The following CEP120 variants were observed in gnomAD, a reference collection of about 807,000 sequenced individuals.
CEP120 encodes centrosomal protein of 120 kDa.
A neutral mutation model predicts 126.5 loss-of-function variants in CEP120; 113 were observed. The ratio of observed to expected loss-of-function variants is 0.89; its 90% confidence interval spans 0.77 to 1.04. The LOEUF is 1.04. Among genes scored for constraint, CEP120 ranks in the 50% least tolerant of loss-of-function variants. The pLI is 0.00. For synonymous variants in CEP120, 400 were observed against 394.3 expected (o/e 1.01, Z -0.17); for missense variants, 1,230 against 1,155.7 (o/e 1.06, Z -0.93).
chr5:123,384,956 T>G lies in CEP120; in HGVS notation c.1758A>C (p.Ala586=), dbSNP rs1258898773. The G allele has an allele frequency of 6.2e-7, 1 of 1,604,382 alleles. No individual in the cohort carries two copies. The highest frequency in any genetic ancestry group is 1.3e-5 in the African/African-American group (1 of 74,146). Residue 586 remains alanine (A), a synonymous_variant, in exon 11 of 20, where the codon GCA becomes GCC. Coordinates refer to ENST00000306467, the MANE Select transcript of CEP120 (RefSeq NM_001375405.1). ...TYSESVPVIA[A]QGSNNRIADL... ...AATTCTGTGAAATGCATTACCCTTG[T>G]GCTGCTATAACAGGCACACTTTCAC...
intron 3 of CEP120, 26 bp downstream of exon 3, chr5:123,415,984 T>C (rs1244472820): frequency 6.3e-6 from 9 of 1,427,714 alleles, no homozygotes; most frequent in Non-Finnish European, 8.9e-6. Flanking sequence ...AACATAATCA[T>C]TAGCAAAACA....
rs7720259 is a variant in CEP120, at chr5:123,404,300, G to A, written c.464-5016C>T. On this transcript the variant is annotated intron_variant, in intron 4 of 19. Transcript: ENST00000306467. ...CAAGCTCACATCCTGACTTCACTAC[G>A]TACAATGTATGCCATTTTGGCAAAC... is the stretch of plus-strand genomic sequence containing the variant. 2.6e-5 allele frequency among the ~76,000 whole-genome samples: 4 copies of A among 152,004 alleles called. No homozygotes were observed. In the East Asian group the frequency reaches 7.7e-4, roughly 29 times the overall value.
intron 5 of CEP120, among the ~76,000 whole-genome samples, chr5:123,394,627 G>A (rs1772646284): frequency 6.6e-6 from 1 of 152,170 alleles, no homozygotes; most frequent in African/African-American, 2.4e-5. Context: ...AAAATTACAG[G>A]ACAGTTTGTA....
At chr5:123,355,891 T>TA (rs1488924014) in intron 18 of CEP120, among the ~76,000 whole-genome samples, 1 of 148,478 alleles carries the variant, frequency 6.7e-6, no homozygotes, top group East Asian at 2.0e-4. Flanking sequence ...GGTTTTCTTC[T>TA]GGGGTTTTTA....
intron 4 of CEP120, 54 bp from the exon 5 acceptor site, chr5:123,399,338 T>A: frequency 6.5e-7 from 1 of 1,527,066 alleles, no homozygotes; most frequent in Non-Finnish European, 9.0e-7. Context: ...TAAACCATTA[T>A]AAGATTTTTA....
rs1156710289 is a variant in CEP120, at chr5:123,418,382, G to A, written c.183C>T (p.Asp61=). Residue 61 remains aspartate, a synonymous_variant, in exon 2 of 20, where the codon GAC becomes GAT. Coordinates refer to ENST00000306467, the MANE Select transcript of CEP120 (RefSeq NM_001375405.1). ...ACCTGTGCTGATGAAGCGCTTTCCT[G>A]TCAATTTCCCAAGCTAACTCAGTAG... ...EFATELAWEI[D]RKALHQHRLQ... is the part of the protein sequence containing the mutation. 2 of 1,604,536 alleles carry A rather than the reference G, an allele frequency of 1.2e-6. No individual in the cohort carries two copies. Among genetic ancestry groups the A allele is most frequent in the Non-Finnish European group, 1.7e-6 (2 of 1,174,210 alleles).
chr5:123,363,709 C>A, intron 18 of CEP120, among the ~76,000 whole-genome samples: 1 of 151,288 alleles, frequency 6.6e-6, no homozygotes, highest in Non-Finnish European at 1.5e-5. Context: ...TAGTATAATA[C>A]CATAACGATG....
At chr5:123,360,049 C>T (rs982488912) in intron 18 of CEP120, among the ~76,000 whole-genome samples, 1 of 151,872 alleles carries the variant, frequency 6.6e-6, no homozygotes, top group Admixed American at 6.6e-5. Context: ...AAATTACTGG[C>T]AGAGATTACA....
chr5:123,359,363 AT>A (rs1769897203), intron 18 of CEP120, among the ~76,000 whole-genome samples: 1 of 152,054 alleles, frequency 6.6e-6, no homozygotes. Context: ...ACAATGCTTC[AT>A]TTATTTTTTA....
intron 18 of CEP120, among the ~76,000 whole-genome samples, chr5:123,351,611 G>C (rs746042231): frequency 7.2e-5 from 11 of 152,106 alleles, no homozygotes; most frequent in Non-Finnish European, 1.6e-4. Context: ...AATGCTTGGG[G>C]CCATAAGTGT....
chr5:123,382,436 G>A (rs1771713603), intron 13 of CEP120, among the ~76,000 whole-genome samples: 1 of 151,924 alleles, frequency 6.6e-6, no homozygotes, highest in African/African-American at 2.4e-5. Context: ...CTCTTGTTTG[G>A]AGACTAATGA....
chr5:123,378,889 T>C (rs1013278977), intron 14 of CEP120, among the ~76,000 whole-genome samples: 11 of 150,402 alleles, frequency 7.3e-5, no homozygotes, highest in African/African-American at 2.7e-4. Flanking sequence ...ATCCAAGGAG[T>C]GAGTATACAG....
intron 2 of CEP120, 33 bp from the exon 3 acceptor site, chr5:123,416,157 T>G: frequency 6.7e-5 from 89 of 1,326,732 alleles, no homozygotes; most frequent in Middle Eastern, 1.8e-4. Flanking sequence ...TAAAATGGTT[T>G]TTGCTTAATA....
chr5:123,407,112 A>AC (rs891119083), intron 4 of CEP120, among the ~76,000 whole-genome samples: 3 of 151,414 alleles, frequency 2.0e-5, no homozygotes, highest in African/African-American at 4.8e-5. Flanking sequence ...AAGTAAAAAA[A>AC]AAAAAAACAA....
chr5:123,413,494 G>A (rs1347181581), intron 3 of CEP120, among the ~76,000 whole-genome samples: 1 of 151,970 alleles, frequency 6.6e-6, no homozygotes, highest in Admixed American at 6.6e-5. Context: ...AGAAATTCTA[G>A]TACTCAAGAT....
intron 15 of CEP120, among the ~76,000 whole-genome samples, chr5:123,378,094 G>A (rs568439256): frequency 6.6e-6 from 1 of 152,038 alleles, no homozygotes; most frequent in Admixed American, 6.6e-5. Context: ...GTGAAATAAA[G>A]ATATATGATA....
At chr5:123,348,668 G>T (rs1305757746) in intron 19 of CEP120, among the ~76,000 whole-genome samples, 2 of 152,190 alleles carry the variant, frequency 1.3e-5, no homozygotes, top group Non-Finnish European at 2.9e-5. Flanking sequence ...ATAAGATACT[G>T]TTTTAAATGT....
At position 123,353,397 on chromosome 5, in the gene CEP120, G is replaced by A. The variant is rs181865552; in HGVS notation, c.2581-3308C>T. 2.5e-4 allele frequency among the ~76,000 whole-genome samples: 38 copies of A among 151,448 alleles called. 1 individual carries two copies. The highest frequency in any genetic ancestry group is 2.1e-4 in the South Asian group (1 of 4,810). The stretch of plus-strand genomic sequence containing the variant: ...TGCATTTGTTTAGTAAATAAACTTC[G>A]TTGTGATGCTTACAAGTTTAATATC... On this transcript the variant is annotated intron_variant, in intron 18 of 19. Coordinates refer to ENST00000306467, the MANE Select transcript of CEP120 (RefSeq NM_001375405.1).
chr5:123,422,500 A>ACTGTAGT, intron 1 of CEP120: 1 of 1,535,412 alleles, frequency 6.5e-7, no homozygotes, highest in Non-Finnish European at 8.7e-7. Context: ...CCTCTTAAGA[A>ACTGTAGT]CTGTAGTCCC....
Sources: gnomAD v4.1 joint callset for allele counts (sites outside exome capture counted in the v4.1 genomes callset) on GRCh38, gnomAD v4.1.1 for gene constraint, MANE v1.5 for transcripts, NCBI Gene and HGNC (gene_info 2026-07-23, HGNC 2026-07-21) for gene names.